Variants in GPR89A observed in about 807,000 individuals in gnomAD.
GPR89A encodes the protein golgi pH regulator A, also known as G protein-coupled receptor 89A.
A neutral mutation model predicts 52.0 loss-of-function variants in GPR89A; 16 were observed. The observed-to-expected ratio is 0.31, with a 90% CI of 0.21 to 0.47. GPR89A has a LOEUF of 0.47. Ranked by LOEUF, GPR89A falls within the 20% of genes least tolerant of loss-of-function variation. The pLI is 1.00. For synonymous variants in GPR89A, 55 were observed against 150.9 expected, an observed-to-expected ratio of 0.36 and a Z score of 4.66; for missense variants, 135 against 449.4, an observed-to-expected ratio of 0.30 and a Z score of 6.33.
rs1326441323 is a variant in GPR89A at position 145,654,947 on chromosome 1, C to T, written c.909+7680C>T. On this transcript the variant is annotated intron_variant, in intron 10 of 13. Coordinates refer to ENST00000313835, the MANE Select transcript of GPR89A (RefSeq NM_001097612.2). The stretch of plus-strand genomic sequence containing the variant: ...CAGGTACCTGAATCAGCCGTAGGTT[C>T]GGTATTTTTATGTAATCCCATAGTT... 1.1e-4 allele frequency among the ~76,000 whole-genome samples: 16 copies of T among 150,620 alleles called. No individual in the cohort carries two copies. In the South Asian group the frequency reaches 2.6e-3, roughly 24 times the overall value.
intron 8 of GPR89A, 115 bp from the exon 9 acceptor site, chr1:145,646,069 G>A: frequency 6.6e-7 from 1 of 1,519,700 alleles, no homozygotes; most frequent in Non-Finnish European, 9.1e-7. Flanking sequence ...ACAGGAAATT[G>A]AGAATATAGG....
chr1:145,609,860 T>C (rs1303913619), intron 1 of GPR89A, among the ~76,000 whole-genome samples: 1 of 152,188 alleles, frequency 6.6e-6, no homozygotes, highest in Non-Finnish European at 1.5e-5. Flanking sequence ...TGTTCAGATA[T>C]TTATGTGGCT....
chr1:145,643,967 C>T lies in GPR89A; in HGVS notation c.716C>T (p.Ser239Leu). 3.3e-6 allele frequency: 1 copy of T among 299,272 alleles called. No individual in the cohort carries two copies. Among genetic ancestry groups the T allele is most frequent in the South Asian group, 3.3e-5 (1 of 29,862 alleles). The allele number at this position is 299,272 out of a possible 1,614,324, so 18.5% of individuals were successfully genotyped here. A position where few individuals can be genotyped will look rare whatever the true frequency, so the allele number is the denominator to read the frequency against. ...GMIKSVTTSA[S>L]GSENLTLIQQ... ...ATAAAAAGTGTTACCACTTCAGCAT[C>T]AGGAAGTGAAAGTATCCTTTGTCCC... Residue 239 changes from serine to leucine, a missense_variant, in exon 8 of 14, where the codon TCA becomes TTA. By Grantham distance (145) the Ser-to-Leu change is moderately radical. Around this residue, in one of 10 missense-constraint regions of GPR89A, gnomAD observed 23 missense variants for 42.2 expected, o/e 0.54. Coordinates refer to ENST00000313835, the MANE Select transcript of GPR89A (RefSeq NM_001097612.2).
At chr1:145,651,054 A>G (rs1365857691) in intron 10 of GPR89A, among the ~76,000 whole-genome samples, 13 of 152,150 alleles carry the variant, frequency 8.5e-5, no homozygotes. Context: ...CATTTTTGTC[A>G]TGAAACCTTT....
chr1:145,634,660 A>G (rs1284305310), intron 7 of GPR89A, among the ~76,000 whole-genome samples: 3 of 150,558 alleles, frequency 2.0e-5, no homozygotes, highest in Admixed American at 1.3e-4. Flanking sequence ...TGAACTAGTT[A>G]CTTTATGTCT....
At chr1:145,637,002 C>G (rs1650288287) in intron 7 of GPR89A, among the ~76,000 whole-genome samples, 1 of 152,062 alleles carries the variant, frequency 6.6e-6, no homozygotes, top group Non-Finnish European at 1.5e-5. Flanking sequence ...TAAACCCTTC[C>G]CAAATCTCTG....
At chr1:145,625,860 C>T (rs1181368739) in intron 5 of GPR89A, among the ~76,000 whole-genome samples, 1 of 150,674 alleles carries the variant, frequency 6.6e-6, no homozygotes, top group African/African-American at 2.5e-5. Context: ...TCCTCATCAA[C>T]CTATGGGCTC....
At chr1:145,653,320 T>G (rs1481761806) in intron 10 of GPR89A, among the ~76,000 whole-genome samples, 2 of 135,922 alleles carry the variant, frequency 1.5e-5, no homozygotes, top group Non-Finnish European at 3.1e-5. Flanking sequence ...TCTAATTTGA[T>G]TGTCCTGTGG....
intron 1 of GPR89A, among the ~76,000 whole-genome samples, chr1:145,612,435 AACAG>A (rs1349290259): frequency 2.0e-5 from 3 of 152,238 alleles, no homozygotes; most frequent in Admixed American, 6.5e-5. Context: ...AGATTTTCTA[AACAG>A]ACAGACTCAA....
At chr1:145,668,599 C>T (rs1363034359) in intron 12 of GPR89A, among the ~76,000 whole-genome samples, 1 of 152,116 alleles carries the variant, frequency 6.6e-6, no homozygotes, top group African/African-American at 2.4e-5. Flanking sequence ...CCAGAACTTC[C>T]AACACTATGC....
At chr1:145,662,204 A>G (rs587768121) in intron 10 of GPR89A, among the ~76,000 whole-genome samples, 53 of 152,228 alleles carry the variant, frequency 3.5e-4, no homozygotes, top group African/African-American at 1.3e-3. Flanking sequence ...GGATCCAGCT[A>G]TTGTGGATTT....
chr1:145,665,346 G>GA (rs1652484389), intron 11 of GPR89A, among the ~76,000 whole-genome samples: 1 of 151,744 alleles, frequency 6.6e-6, no homozygotes, highest in Admixed American at 6.6e-5. Context: ...TAATTTTAAG[G>GA]TTTAATTAAG....
chr1:145,669,518 G>A, intron 12 of GPR89A, 107 bp from the exon 13 acceptor site: 1 of 789,394 alleles, frequency 1.3e-6, no homozygotes, highest in Non-Finnish European at 2.3e-6. Flanking sequence ...ATACAGGATT[G>A]TGGCATGGAA....
intron 3 of GPR89A, among the ~76,000 whole-genome samples, chr1:145,621,157 A>G (rs1455532319): frequency 1.3e-5 from 2 of 151,502 alleles, no homozygotes; most frequent in Non-Finnish European, 2.9e-5. Context: ...AAGGAACAAT[A>G]AGAAACAGCC....
chr1:145,629,196 C>G (rs1553689445), intron 5 of GPR89A, among the ~76,000 whole-genome samples: 2 of 152,070 alleles, frequency 1.3e-5, no homozygotes, highest in African/African-American at 4.8e-5. Flanking sequence ...TCCCAGGGCC[C>G]AGAGAAGATC....
At position 145,670,336 on chromosome 1, in the gene GPR89A, C is replaced by T; in HGVS notation, c.*296C>T. 6 of 898,402 alleles carry T rather than the reference C, an allele frequency of 6.7e-6. No homozygotes were observed. The highest frequency in any genetic ancestry group is 9.5e-6 in the Non-Finnish European group (6 of 630,328). The allele number at this position is 898,402 out of a possible 1,614,324, so 55.7% of individuals were successfully genotyped here. A position where few individuals can be genotyped will look rare whatever the true frequency, so the allele number is the denominator to read the frequency against. ...CAAGAAACTAAAGGTGAAAAATACA[C>T]TGGAACTCTGGGGCAAGACATGTCT... On this transcript the variant is annotated 3_prime_UTR_variant, in exon 14 of 14. Coordinates refer to ENST00000313835, the MANE Select transcript of GPR89A (RefSeq NM_001097612.2).
intron 10 of GPR89A, among the ~76,000 whole-genome samples, chr1:145,657,219 C>A (rs1280796955): frequency 6.8e-6 from 1 of 148,136 alleles, no homozygotes; most frequent in Non-Finnish European, 1.5e-5. Context: ...CATAGCAAGA[C>A]CCCATCTCAG....
Position 145,643,135 on chromosome 1 carries a change from T to G in GPR89A, c.618-734T>G, listed in dbSNP as rs78997625. ...CAAACTCTGTATTTGGTCCTTTAGT[T>G]AGGTATGTTAGCTGGTTTTTTTTGT... On this transcript the variant is annotated intron_variant, in intron 7 of 13. Transcript: ENST00000313835. 1.0e-4 allele frequency among the ~76,000 whole-genome samples: 15 copies of G among 149,914 alleles called. No individual in the cohort carries two copies. In the East Asian group the frequency reaches 3.0e-3, roughly 30 times the overall value.
intron 2 of GPR89A, among the ~76,000 whole-genome samples, chr1:145,617,714 C>T (rs1284658498): frequency 6.6e-6 from 1 of 152,030 alleles, no homozygotes; most frequent in Non-Finnish European, 1.5e-5. Flanking sequence ...CTTCCCGCAA[C>T]ACAAGGCTGG....
Sources: allele counts gnomAD v4.1 joint callset (sites outside exome capture counted in the v4.1 genomes callset), GRCh38; gene constraint gnomAD v4.1.1; regional missense constraint gnomAD v4.1.1; transcripts MANE v1.5; gene names NCBI Gene and HGNC (gene_info 2026-07-23, HGNC 2026-07-21).